SORCS1: variants seen among roughly 807,000 people sequenced by gnomAD.
The protein encoded by SORCS1 is VPS10 domain-containing receptor SorCS1.
Under a neutral mutation model 146.1 loss-of-function variants are expected in SORCS1, and 60 were observed. That is an observed-to-expected ratio of 0.41 (90% CI 0.33 to 0.51). SORCS1 has a LOEUF of 0.51. Ranked by LOEUF, SORCS1 falls within the 20% of genes least tolerant of loss-of-function variation. The pLI is 0.21. For missense variants in SORCS1, 1,352 were observed against 1,487.6 expected, an observed-to-expected ratio of 0.91 and a Z score of 1.50; for synonymous variants, 637 against 584.0, an observed-to-expected ratio of 1.09 and a Z score of -1.31.
chr10:107,111,022 G>C (rs1201186591), intron 1 of SORCS1, among the ~76,000 whole-genome samples: 1 of 152,132 alleles, frequency 6.6e-6, no homozygotes, highest in African/African-American at 2.4e-5. Flanking sequence ...ATCGCCACAA[G>C]ACTGCAATCC....
At chr10:106,889,037 A>G (rs964818843) in intron 2 of SORCS1, among the ~76,000 whole-genome samples, 8 of 152,224 alleles carry the variant, frequency 5.3e-5, no homozygotes, top group African/African-American at 1.9e-4. Context: ...AATAGGAGGT[A>G]AAATTTTTTG....
At chr10:106,722,989 T>C (rs781039213) in intron 6 of SORCS1, among the ~76,000 whole-genome samples, 2 of 152,170 alleles carry the variant, frequency 1.3e-5, no homozygotes, top group African/African-American at 2.4e-5. Context: ...CTTCTTTCAG[T>C]AGATATACCT....
chr10:106,912,141 C>CA (rs1193871541), intron 2 of SORCS1, among the ~76,000 whole-genome samples: 7 of 148,006 alleles, frequency 4.7e-5, no homozygotes, highest in Admixed American at 6.7e-5. Context: ...AACAAACAAA[C>CA]AAAAAAAGGC....
chr10:106,734,429 C>T (rs1306451577), intron 5 of SORCS1, among the ~76,000 whole-genome samples: 2 of 152,116 alleles, frequency 1.3e-5, no homozygotes, highest in Non-Finnish European at 2.9e-5. Context: ...CATACTTTTG[C>T]ACAGAAAAAA....
Position 106,785,575 on chromosome 10 carries a change from C to T in SORCS1, c.727-8883G>A, listed in dbSNP as rs145108131. ...TTTCCCTTTCCTACACTAACAAGTA[C>T]GTTTTAATTTTACTTATATTAATGC... is the stretch of plus-strand genomic sequence containing the variant. On this transcript the variant is annotated intron_variant, in intron 3 of 25. Transcript: ENST00000263054. Among the ~76,000 whole-genome samples, 600 of 152,204 alleles carry T rather than the reference C, an allele frequency of 3.9e-3. 1 individual carries two copies. The highest frequency in any genetic ancestry group is 0.013 in the African/African-American group (549 of 41,522).
intron 1 of SORCS1, among the ~76,000 whole-genome samples, chr10:107,098,642 C>T (rs1338384189): frequency 2.6e-5 from 4 of 152,118 alleles, no homozygotes; most frequent in Non-Finnish European, 5.9e-5. Flanking sequence ...TTAATTAATG[C>T]CTTTGTGGCA....
At position 106,750,728 on chromosome 10, in the gene SORCS1, C is replaced by CA. The variant is rs572295853; in HGVS notation, c.959+10859dup. Among the ~76,000 whole-genome samples, 37 of 24,028 alleles carry CA rather than the reference C, an allele frequency of 1.5e-3. 3 individuals are homozygous for CA. The highest frequency in any genetic ancestry group is 8.2e-3 in the South Asian group (3 of 368). The allele number at this position is 24,028 out of a possible 152,430, so 15.8% of individuals were successfully genotyped here. On this transcript the variant is annotated intron_variant, in intron 5 of 25. Coordinates refer to ENST00000263054, the MANE Select transcript of SORCS1 (RefSeq NM_052918.5). ...TGGGCGACAGGGTGAGACTCCCTCT[C>CA]AAAAAAAAAAAAAAAAAAAAAAAAA...
At chr10:106,685,342 T>G (rs536924707) in intron 10 of SORCS1, among the ~76,000 whole-genome samples, 1 of 151,762 alleles carries the variant, frequency 6.6e-6, no homozygotes, top group South Asian at 2.1e-4. Flanking sequence ...TTCTTTGGAG[T>G]GGTCAAAAAC....
At chr10:106,970,485 C>T (rs1211739215) in intron 1 of SORCS1, among the ~76,000 whole-genome samples, 7 of 151,640 alleles carry the variant, frequency 4.6e-5, no homozygotes, top group Non-Finnish European at 8.8e-5. Flanking sequence ...ATTACAGATA[C>T]GCACCACCAC....
intron 3 of SORCS1, among the ~76,000 whole-genome samples, chr10:106,799,564 G>A (rs535804027): frequency 1.3e-5 from 2 of 152,196 alleles, no homozygotes; most frequent in South Asian, 4.2e-4. Flanking sequence ...TCAAAAAGTG[G>A]GCAAAGGATA....
At chr10:106,640,010 C>CA (rs148627015) in intron 18 of SORCS1, among the ~76,000 whole-genome samples, 6,823 of 144,982 alleles carry the variant, frequency 0.047, 216 homozygotes, top group East Asian at 0.13. Context: ...GGGTGTGTCT[C>CA]AAAAAAAAAA....
Position 106,999,187 on chromosome 10 carries a change from C to A in SORCS1, c.559-42607G>T, listed in dbSNP as rs575724677. Among the ~76,000 whole-genome samples, 6 of 152,238 alleles carry A rather than the reference C, an allele frequency of 3.9e-5. No homozygotes were observed. The East Asian group carries it at 9.6e-4, about 24-fold the overall frequency. ...AGCACTTCTAACAACTAAAAACATA[C>A]ACACACGAACATACACACACATAAA... On this transcript the variant is annotated intron_variant, in intron 1 of 25. Transcript: ENST00000263054.
intron 1 of SORCS1, among the ~76,000 whole-genome samples, chr10:107,016,627 T>C (rs1014384358): frequency 6.6e-6 from 1 of 152,228 alleles, no homozygotes; most frequent in Non-Finnish European, 1.5e-5. Context: ...AACAAGGATT[T>C]CTTTAATAGG....
chr10:106,599,438 A>C (rs1846105409), intron 23 of SORCS1, among the ~76,000 whole-genome samples: 1 of 151,050 alleles, frequency 6.6e-6, no homozygotes, highest in Non-Finnish European at 1.5e-5. Flanking sequence ...GGAGAAGTGG[A>C]TTTCTAACAC....
rs1182877634 is a variant in SORCS1, at chr10:106,574,024, A to G, written c.*3396T>C. On this transcript the variant is annotated 3_prime_UTR_variant, in exon 26 of 26. Transcript: ENST00000263054. ...TCAAAAAAGTCATTTTAAAATTAGA[A>G]GTAGTTCCAATACTATAAGAAAACT... The G allele has an allele frequency of 6.6e-6, 1 of 152,122 alleles. No homozygotes were observed. 9.4% of individuals were successfully genotyped at this position (152,122 alleles called of 1,614,324 possible).
chr10:107,089,908 A>G (rs1054969449), intron 1 of SORCS1, among the ~76,000 whole-genome samples: 6 of 152,330 alleles, frequency 3.9e-5, no homozygotes, highest in South Asian at 4.1e-4. Flanking sequence ...ATCCAGCATT[A>G]CAATTTTTAA....
At chr10:107,020,761 G>A (rs967729639) in intron 1 of SORCS1, among the ~76,000 whole-genome samples, 1 of 152,156 alleles carries the variant, frequency 6.6e-6, no homozygotes, top group Non-Finnish European at 1.5e-5. Flanking sequence ...ACTTGATTGG[G>A]TGGTTTATTC....
chr10:106,606,984 G>T (rs929210264), intron 23 of SORCS1, among the ~76,000 whole-genome samples, 182 bp downstream of exon 23: 3 of 152,136 alleles, frequency 2.0e-5, no homozygotes, highest in African/African-American at 7.2e-5. Context: ...ACCCAGTCTT[G>T]GGTATGTCTT....
At chr10:106,786,898 G>T (rs1445114288) in intron 3 of SORCS1, among the ~76,000 whole-genome samples, 3 of 152,112 alleles carry the variant, frequency 2.0e-5, no homozygotes, top group South Asian at 2.1e-4. Context: ...AACTTTTGAA[G>T]GCTGAAAAAT....
Sources: allele counts gnomAD v4.1 joint callset (sites outside exome capture counted in the v4.1 genomes callset), GRCh38; gene constraint gnomAD v4.1.1; transcripts MANE v1.5; gene names NCBI Gene and HGNC (gene_info 2026-07-23, HGNC 2026-07-21).